The following SEMA5B variants were observed in gnomAD, a reference collection of about 807,000 sequenced individuals.
The protein encoded by SEMA5B is semaphorin 5B.
In SEMA5B, 66 loss-of-function variants were observed where a neutral mutation model predicts 135.0. The observed-to-expected ratio is 0.49, with a 90% CI of 0.40 to 0.60. The LOEUF (loss-of-function observed/expected upper bound fraction) is 0.60. Among genes scored for constraint, SEMA5B ranks in the 20% least tolerant of loss-of-function variants. The pLI is 0.00. For synonymous variants in SEMA5B, 690 were observed against 639.5 expected, an observed-to-expected ratio of 1.08 and a Z score of -1.19; for missense variants, 1,501 against 1,566.3, an observed-to-expected ratio of 0.96 and a Z score of 0.70.
intron 5 of SEMA5B, among the ~76,000 whole-genome samples, chr3:122,934,611 C>A (rs1306862213): frequency 6.6e-6 from 1 of 152,038 alleles, no homozygotes; most frequent in South Asian, 2.1e-4. Flanking sequence ...ATATTTGAAT[C>A]CTGATTCAAA....
chr3:122,917,281 G>C (rs148166202), intron 12 of SEMA5B, among the ~76,000 whole-genome samples: 233 of 152,354 alleles, frequency 1.5e-3, no homozygotes, highest in African/African-American at 5.0e-3. Flanking sequence ...TTGGAAAACA[G>C]AAGAGGCTTT....
chr3:122,927,649 C>G (rs1938712203), intron 8 of SEMA5B, 141 bp downstream of exon 8: 6 of 504,968 alleles, frequency 1.2e-5, no homozygotes, highest in Non-Finnish European at 1.3e-5. Flanking sequence ...CTACTCTGCC[C>G]TACTCTGGAC....
intron 5 of SEMA5B, among the ~76,000 whole-genome samples, chr3:122,936,274 T>C (rs1223424878): frequency 2.6e-5 from 4 of 152,174 alleles, no homozygotes; most frequent in Non-Finnish European, 4.4e-5. Flanking sequence ...ATCATCTCCA[T>C]GAAAACTCAG....
rs1340754734 is a variant in SEMA5B at position 122,928,857 on chromosome 3, C to T, written c.537+139G>A. 7.0e-6 allele frequency: 6 copies of T among 861,746 alleles called. No individual in the cohort carries two copies. The African/African-American group carries it at 8.4e-5, about 12-fold the overall frequency. 53.4% of individuals were successfully genotyped at this position (861,746 alleles called of 1,614,324 possible). A position where few individuals can be genotyped will look rare whatever the true frequency, so the allele number is the denominator to read the frequency against. ...GCTCGCCACAGGGCTGTTATCCTCA[C>T]CTGCCCAAGGAGCCCCAGCTCATCC... is the stretch of plus-strand genomic sequence containing the variant. On this transcript the variant is annotated intron_variant, in intron 6 of 22. Coordinates refer to ENST00000357599, the MANE Select transcript of SEMA5B (RefSeq NM_001031702.4).
chr3:123,020,787 T>G (rs1049766812), intron 1 of SEMA5B, among the ~76,000 whole-genome samples: 2 of 151,984 alleles, frequency 1.3e-5, no homozygotes, highest in Non-Finnish European at 2.9e-5. Flanking sequence ...CTGCAGGTGG[T>G]TTTTACGGAA....
chr3:122,981,748 C>T (rs753027765), intron 1 of SEMA5B, among the ~76,000 whole-genome samples: 4 of 152,190 alleles, frequency 2.6e-5, no homozygotes, highest in South Asian at 2.1e-4. Flanking sequence ...AAGGCTTCTC[C>T]GCTTCTCAGA....
At position 122,910,020 on chromosome 3, in the gene SEMA5B, C is replaced by A. The variant is rs975824509; in HGVS notation, c.*123G>T. On this transcript the variant is annotated 3_prime_UTR_variant, in exon 23 of 23. Transcript: ENST00000357599. ...CTCTGAAGCCGGATGGGACCCCCCA[C>A]AGGCAAGGCAGCAAGTTCTTGGCCT... 2 of 1,055,542 alleles carry A rather than the reference C, an allele frequency of 1.9e-6. No individual in the cohort carries two copies. The highest frequency in any genetic ancestry group is 1.6e-5 in the African/African-American group (1 of 62,246). 65.4% of individuals were successfully genotyped at this position (1,055,542 alleles called of 1,614,324 possible).
intron 1 of SEMA5B, among the ~76,000 whole-genome samples, chr3:123,009,523 G>A (rs200051416): frequency 2.0e-5 from 3 of 147,672 alleles, no homozygotes; most frequent in Non-Finnish European, 3.0e-5. Flanking sequence ...GTGTGTGTGT[G>A]TATGTGTGTC....
chr3:122,994,033 C>G (rs903995349), intron 1 of SEMA5B, among the ~76,000 whole-genome samples: 1 of 152,096 alleles, frequency 6.6e-6, no homozygotes, highest in African/African-American at 2.4e-5. Context: ...GCCATATCCT[C>G]TTCACCAGGC....
chr3:123,019,508 A>G (rs7632571), intron 1 of SEMA5B, among the ~76,000 whole-genome samples: 50,085 of 152,114 alleles, frequency 0.33, 14,175 homozygotes, highest in African/African-American at 0.78. Context: ...AGGATGGCTT[A>G]AGCATGGGAG....
At position 122,912,877 on chromosome 3, in the gene SEMA5B, G is replaced by C. The variant is rs751591160; in HGVS notation, c.2691C>G (p.Ala897=). Residue 897 remains alanine (A), a synonymous_variant, in exon 18 of 23, where the codon GCC becomes GCG. Transcript: ENST00000357599. ...CCTGGGGGTTGCAGTCCTGGTACTC[G>C]GCAGCATCGCCCACGCAGGGCAGGC... The part of the protein sequence containing the change: ...NGGLPCVGDA[A]EYQDCNPQAC... 4.4e-6 allele frequency: 7 copies of C among 1,605,058 alleles called. No homozygotes were observed. In the South Asian group the frequency reaches 5.5e-5, roughly 13 times the overall value.
chr3:122,935,647 C>T (rs997957020), intron 5 of SEMA5B, among the ~76,000 whole-genome samples: 7 of 144,668 alleles, frequency 4.8e-5, no homozygotes, highest in East Asian at 4.1e-4. Context: ...TTCTGCAAGC[C>T]GACCTGCTCT....
chr3:122,943,350 C>T, intron 4 of SEMA5B, 86 bp downstream of exon 4: 1 of 931,178 alleles, frequency 1.1e-6, no homozygotes, highest in Non-Finnish European at 1.7e-6. Context: ...GCGGGGCTGC[C>T]CAGGTGAGTT....
Position 122,983,705 on chromosome 3 carries a change from G to A in SEMA5B, c.-38-22404C>T, listed in dbSNP as rs891374845. ...TGCACTCCAGCCTGGGCGACAGAGC[G>A]AGACTCGTCTCAAAAAAAAAAAAAA... On this transcript the variant is annotated intron_variant, in intron 1 of 22. Transcript: ENST00000357599. 5.7e-5 allele frequency among the ~76,000 whole-genome samples: 5 copies of A among 87,764 alleles called. 1 individual carries two copies. Among genetic ancestry groups the A allele is most frequent in the African/African-American group, 2.7e-4 (4 of 14,960 alleles). 57.6% of individuals were successfully genotyped at this position (87,764 alleles called of 152,430 possible). A position where few individuals can be genotyped will look rare whatever the true frequency, so the allele number is the denominator to read the frequency against.
intron 1 of SEMA5B, among the ~76,000 whole-genome samples, chr3:123,017,777 G>A (rs959047066): frequency 5.9e-5 from 9 of 151,982 alleles, no homozygotes; most frequent in South Asian, 2.1e-4. Context: ...ATGCAGTGGC[G>A]GGTGCCTGTA....
At chr3:122,997,048 GC>G (rs1942037508) in intron 1 of SEMA5B, among the ~76,000 whole-genome samples, 1 of 150,678 alleles carries the variant, frequency 6.6e-6, no homozygotes, top group Non-Finnish European at 1.5e-5. Context: ...TGTTGCCCTG[GC>G]TCCACCTTCC....
intron 3 of SEMA5B, 85 bp downstream of exon 3, chr3:122,948,421 G>A: frequency 8.3e-7 from 1 of 1,210,744 alleles, no homozygotes; most frequent in South Asian, 1.6e-5. Context: ...ACATCCAACA[G>A]CCAGAAACAT....
At position 122,913,527 on chromosome 3, in the gene SEMA5B, C is replaced by A; in HGVS notation, c.2280+7G>T. ...CCGCGCCCCTGGCCCACGGCCCCAA[C>A]CCTCACCACGCCGCAGCCCAGGCAG... is the stretch of plus-strand genomic sequence containing the variant. On this transcript the variant is annotated splice_region_variant and intron_variant, in intron 16 of 22. Transcript: ENST00000357599. 1.2e-6 allele frequency: 2 copies of A among 1,609,416 alleles called. No homozygotes were observed. Among genetic ancestry groups the A allele is most frequent in the South Asian group, 1.1e-5 (1 of 90,596 alleles).
intron 12 of SEMA5B, among the ~76,000 whole-genome samples, chr3:122,917,366 G>T (rs766199188): frequency 6.6e-6 from 1 of 152,168 alleles, no homozygotes; most frequent in Admixed American, 6.5e-5. Flanking sequence ...GTTTGCAGGG[G>T]GATCTTCCCA....
Sources: gnomAD v4.1 joint callset for allele counts (sites outside exome capture counted in the v4.1 genomes callset) on GRCh38, gnomAD v4.1.1 for gene constraint, MANE v1.5 for transcripts, NCBI Gene and HGNC (gene_info 2026-07-23, HGNC 2026-07-21) for gene names.